The following NLGN3 variants were observed in gnomAD, a reference collection of about 807,000 sequenced individuals.
NLGN3 encodes neuroligin-3.
In NLGN3, 11 loss-of-function variants were observed where a neutral mutation model predicts 42.9. The observed-to-expected ratio is 0.26, with a 90% CI of 0.16 to 0.42. The LOEUF (loss-of-function observed/expected upper bound fraction) is 0.42. Ranked by LOEUF, NLGN3 falls within the 10% of genes least tolerant of loss-of-function variation. NLGN3 has a pLI of 1.00. For missense variants in NLGN3, 374 were observed against 733.8 expected, an observed-to-expected ratio of 0.51 and a Z score of 5.67; for synonymous variants, 279 against 312.7, an observed-to-expected ratio of 0.89 and a Z score of 1.14.
intron 5 of NLGN3, among the ~76,000 whole-genome samples, chrX:71,159,785 CA>C (rs1569484807): frequency 9.3e-6 from 1 of 107,707 alleles, no homozygotes; most frequent in Admixed American, 1.0e-4. Context: ...AGTGCAGTGG[CA>C]CAATCTCAGC....
chrX:71,146,997 G>A (rs899158644), intron 1 of NLGN3, among the ~76,000 whole-genome samples: 8 of 111,392 alleles, frequency 7.2e-5, no homozygotes, highest in Admixed American at 1.9e-4. Flanking sequence ...GAGGACTCCC[G>A]TGAATGGCTG....
chrX:71,166,800 A>AT (rs1239260953), intron 6 of NLGN3, among the ~76,000 whole-genome samples: 1 of 111,839 alleles, frequency 8.9e-6, no homozygotes, highest in East Asian at 2.8e-4. Flanking sequence ...GTTACCAGCC[A>AT]TCGCACCAGG....
chrX:71,150,650 C>T (rs946232053), intron 3 of NLGN3, among the ~76,000 whole-genome samples: 1 of 100,743 alleles, frequency 9.9e-6, no homozygotes, highest in African/African-American at 3.7e-5. Flanking sequence ...TGCAGTGAGC[C>T]GAGATCGTGC....
At chrX:71,146,838 G>A (rs746352858) in intron 1 of NLGN3, among the ~76,000 whole-genome samples, 1 of 111,671 alleles carries the variant, frequency 9.0e-6, no homozygotes, top group East Asian at 2.8e-4. Context: ...CATCCACAAT[G>A]CCTAGGGTGC....
chrX:71,170,017 A>C lies in NLGN3; in HGVS notation c.2467A>C (p.Thr823Pro). 1 of 1,210,113 alleles carries C rather than the reference A, an allele frequency of 8.3e-7. No individual in the cohort carries two copies. The highest frequency in any genetic ancestry group is 1.1e-6 in the Non-Finnish European group (1 of 894,786). ...CCCCAACTCCCTGGTAGGGCTGCAG[A>C]CATTGCACCCCTATAACACCTTTGC... is the stretch of plus-strand genomic sequence containing the variant. ...MIPNSLVGLQTLHPYNTFAAG... is the reference protein window; with the variant it reads ...MIPNSLVGLQPLHPYNTFAAG... The change falls in exon 8 of 8, where the codon ACA becomes CCA. Residue 823 changes from threonine (T) to proline (P), a missense_variant. Thr to Pro is a conservative substitution (Grantham distance 38). Coordinates refer to ENST00000358741, the MANE Select transcript of NLGN3 (RefSeq NM_181303.2).
chrX:71,156,222 C>A (rs1026905073), intron 5 of NLGN3, among the ~76,000 whole-genome samples: 4 of 108,822 alleles, frequency 3.7e-5, no homozygotes, highest in African/African-American at 1.3e-4. Context: ...TCCACCCACC[C>A]CCCACAAATA....
rs1367389051 is a variant in NLGN3 at position 71,169,872 on chromosome X, G to A, written c.2322G>A (p.Glu774=). 7 of 1,196,892 alleles carry A rather than the reference G, an allele frequency of 5.8e-6. No homozygotes were observed. Among genetic ancestry groups the A allele is most frequent in the African/African-American group, 3.5e-5 (2 of 56,487 alleles). The change falls in exon 8 of 8, where the codon GAG becomes GAA. Residue 774 remains glutamate (E), a synonymous_variant. Transcript: ENST00000358741. ...TACAACTGGGCCCCACCCACCACGA[G>A]TGTGAGGCCGGTCCCCCCCATGACA... ...AALQLGPTHH[E]CEAGPPHDTL...
At chrX:71,146,166 C>CAG (rs1569483375) in intron 1 of NLGN3, among the ~76,000 whole-genome samples, 120 of 47,682 alleles carry the variant, frequency 2.5e-3, no homozygotes, top group Non-Finnish European at 3.5e-3. Context: ...CACACACACA[C>CAG]ACACAGACAC....
At position 71,151,093 on chromosome X, in the gene NLGN3, G is replaced by A. The variant is rs780476220; in HGVS notation, c.517+2188G>A. On this transcript the variant is annotated intron_variant, in intron 3 of 7. Transcript: ENST00000358741. ...AGCACTTTGAGAGGCCAAGACGGGT[G>A]GGTCACTTGAGTTCAGGAATTCGAG... Among the ~76,000 whole-genome samples, 9 of 111,769 alleles carry A rather than the reference G, an allele frequency of 8.1e-5. No homozygotes were observed. In the South Asian group the frequency reaches 1.5e-3, roughly 19 times the overall value.
downstream of NLGN3, among the ~76,000 whole-genome samples, chrX:71,173,503 G>A (rs1272871718): frequency 2.7e-5 from 3 of 112,408 alleles, no homozygotes; most frequent in East Asian, 8.3e-4. Flanking sequence ...GTGAAGCTGA[G>A]GATATACTTG....
chrX:71,162,846 A>C (rs1332662089), intron 5 of NLGN3, among the ~76,000 whole-genome samples: 2 of 111,911 alleles, frequency 1.8e-5, no homozygotes, highest in South Asian at 3.7e-4. Context: ...GGCCTCTCAC[A>C]AAGTTGATTC....
At position 71,165,671 on chromosome X, in the gene NLGN3, G is replaced by A. The variant is rs1039742545; in HGVS notation, c.914-1340G>A. ...CCCAGAGTAGCTGGGGACTACAGGT[G>A]CATGCTACCATGCCCGGCTAATTTT... On this transcript the variant is annotated intron_variant, in intron 6 of 7. Coordinates refer to ENST00000358741, the MANE Select transcript of NLGN3 (RefSeq NM_181303.2). Among the ~76,000 whole-genome samples, 4 of 110,972 alleles carry A rather than the reference G, an allele frequency of 3.6e-5. No homozygotes were observed. The East Asian group carries it at 1.1e-3, about 31-fold the overall frequency.
rs2092450251 is a variant in NLGN3, at chrX:71,167,279, C to T, written c.1182C>T (p.Gly394=). ...ACCCTGAGATCCTCATGGAGCAGGG[C>T]GAGTTCCTCAACTATGACATCATGC... ...PDDPEILMEQ[G]EFLNYDIMLG... Residue 394 remains glycine (G), a synonymous_variant, in exon 7 of 8, where the codon GGC becomes GGT. Coordinates refer to ENST00000358741, the MANE Select transcript of NLGN3 (RefSeq NM_181303.2). 1 of 1,211,526 alleles carries T rather than the reference C, an allele frequency of 8.3e-7. No homozygotes were observed. Among genetic ancestry groups the T allele is most frequent in the African/African-American group, 1.7e-5 (1 of 57,732 alleles).
Position 71,148,154 on chromosome X carries a change from G to A in NLGN3, c.405G>A (p.Gln135=). Residue 135 remains glutamine (Q), a synonymous_variant, in exon 2 of 8, where the codon CAG becomes CAA. Coordinates refer to ENST00000358741, the MANE Select transcript of NLGN3 (RefSeq NM_181303.2). ...ANLDIVATYI[Q]EPNEDCLYLN... is the part of the protein sequence containing the mutation. ...TGGATATCGTCGCTACTTACATCCA[G>A]GAGCCCAACGAAGACTGTCTCTACC... 8.3e-7 allele frequency: 1 copy of A among 1,211,253 alleles called. No individual in the cohort carries two copies. Among genetic ancestry groups the A allele is most frequent in the Non-Finnish European group, 1.1e-6 (1 of 895,285 alleles).
intron 1 of NLGN3, among the ~76,000 whole-genome samples, chrX:71,146,172 GACACACACACACACAC>G (rs1168453634): frequency 7.3e-4 from 28 of 38,218 alleles, no homozygotes; most frequent in South Asian, 2.3e-3. Flanking sequence ...CACACACACA[GACACACACACACACAC>G]ACACACACAC....
Position 71,170,799 on chromosome X carries a change from A to G in NLGN3, c.*702A>G, listed in dbSNP as rs2092469204. 1 of 754,408 alleles carries G rather than the reference A, an allele frequency of 1.3e-6. No homozygotes were observed. The highest frequency in any genetic ancestry group is 1.6e-6 in the Non-Finnish European group (1 of 640,167). 62.2% of individuals were successfully genotyped at this position (754,408 alleles called of 1,213,427 possible). Reference sequence around the variant, plus strand: ...ATGGAGCTGGAGGGTCGTAGGGGAGAGATCTCCAACTCTCTCTGTGTCCGT... The same window carrying G: ...ATGGAGCTGGAGGGTCGTAGGGGAGGGATCTCCAACTCTCTCTGTGTCCGT... On this transcript the variant is annotated 3_prime_UTR_variant, in exon 8 of 8. Coordinates refer to ENST00000358741, the MANE Select transcript of NLGN3 (RefSeq NM_181303.2).
intron 6 of NLGN3, among the ~76,000 whole-genome samples, chrX:71,165,822 C>T (rs916011658): frequency 1.8e-5 from 2 of 111,964 alleles, no homozygotes; most frequent in Admixed American, 1.9e-4. Context: ...GCGTGAGCCA[C>T]TGTGCCTGGC....
chrX:71,152,578 A>G lies in NLGN3; in HGVS notation c.518-899A>G, dbSNP rs765643299. ...CAGTTTCCCCATCAGTGAAACAATA[A>G]TAAGGATAGGACCTATCTCACTGGG... is the stretch of plus-strand genomic sequence containing the variant. On this transcript the variant is annotated intron_variant, in intron 3 of 7. Coordinates refer to ENST00000358741, the MANE Select transcript of NLGN3 (RefSeq NM_181303.2). Among the ~76,000 whole-genome samples the G allele has an allele frequency of 6.3e-5, 7 of 111,827 alleles. No homozygotes were observed. The South Asian group carries it at 2.6e-3, about 42-fold the overall frequency.
In NLGN3 at chrX:71,169,331, C is replaced by T; in HGVS notation, c.1781C>T (p.Ser594Phe). 8.3e-7 allele frequency: 1 copy of T among 1,209,089 alleles called. No homozygotes were observed. Among genetic ancestry groups the T allele is most frequent in the Non-Finnish European group, 1.1e-6 (1 of 894,018 alleles). The change falls in exon 8 of 8, where the codon TCC becomes TTC. Residue 594 changes from serine (S) to phenylalanine (F), a missense_variant. By Grantham distance (155) the Ser-to-Phe change is radical. Around this residue, in one of 6 missense-constraint regions of NLGN3, gnomAD observed 142 missense variants for 359.1 expected, o/e 0.40. Transcript: ENST00000358741. ...KANRFEEVAW[S>F]KYNPRDQLYL... ...AACCGCTTTGAGGAAGTGGCCTGGT[C>T]CAAATACAATCCCCGAGACCAGCTC... is the stretch of plus-strand genomic sequence containing the variant.
Sources: gnomAD v4.1 joint callset for allele counts (sites outside exome capture counted in the v4.1 genomes callset) on GRCh38, gnomAD v4.1.1 for gene constraint, gnomAD v4.1.1 regional missense constraint, MANE v1.5 for transcripts, NCBI Gene and HGNC (gene_info 2026-07-23, HGNC 2026-07-21) for gene names.